The following ZC3H14 variants were observed in gnomAD, a reference collection of about 807,000 sequenced individuals.
The protein encoded by ZC3H14 is zinc finger CCCH-type containing 14.
Under a neutral mutation model 92.4 loss-of-function variants are expected in ZC3H14, and 31 were observed. That is an observed-to-expected ratio of 0.34 (90% confidence interval 0.25 to 0.45). ZC3H14 has a LOEUF of 0.45. Among genes scored for constraint, ZC3H14 ranks in the 20% least tolerant of loss-of-function variants. The pLI, the probability that ZC3H14 is intolerant of heterozygous loss-of-function variation, is 1.00. For missense variants in ZC3H14, 781 were observed against 897.3 expected, an observed-to-expected ratio of 0.87 and a Z score of 1.66; for synonymous variants, 321 against 300.9, an observed-to-expected ratio of 1.07 and a Z score of -0.69.
intron 9 of ZC3H14, among the ~76,000 whole-genome samples, 182 bp from the exon 10 acceptor site, chr14:88,596,552 A>T (rs1443534440): frequency 6.6e-6 from 1 of 152,192 alleles, no homozygotes. Flanking sequence ...AACCCTGAGT[A>T]CAGCCTTTTT....
intron 9 of ZC3H14, among the ~76,000 whole-genome samples, chr14:88,580,541 T>C (rs1170593702): frequency 5.2e-5 from 2 of 38,628 alleles, no homozygotes; most frequent in African/African-American, 6.0e-5. Flanking sequence ...GACAAGAACA[T>C]TTTAAAAGTC....
chr14:88,611,399 T>A (rs541106846), intron 16 of ZC3H14, among the ~76,000 whole-genome samples: 45 of 152,266 alleles, frequency 3.0e-4, no homozygotes, highest in Admixed American at 1.6e-3. Flanking sequence ...CCAGCCAGAT[T>A]TTAACTTCTC....
intron 10 of ZC3H14, among the ~76,000 whole-genome samples, chr14:88,597,302 G>A (rs1466090931): frequency 6.6e-6 from 1 of 152,062 alleles, no homozygotes; most frequent in African/African-American, 2.4e-5. Flanking sequence ...ACATGCCAGG[G>A]GCTACTCCAG....
rs1216389877 is a variant in ZC3H14, at chr14:88,616,439, G to A, written c.*4688G>A. On this transcript the variant is annotated 3_prime_UTR_variant, in exon 17 of 17. Coordinates refer to ENST00000251038, the MANE Select transcript of ZC3H14 (RefSeq NM_024824.5). ...TGTGTGGGCAGTCAGATGTCTCCAGGTACTCTGACCATTTTTCTCTAAGGA... is the reference window on the plus strand; with the variant it reads ...TGTGTGGGCAGTCAGATGTCTCCAGATACTCTGACCATTTTTCTCTAAGGA... 2 of 621,856 alleles carry A rather than the reference G, an allele frequency of 3.2e-6. No individual in the cohort carries two copies. Among genetic ancestry groups the A allele is most frequent in the Non-Finnish European group, 5.6e-6 (2 of 359,038 alleles). The allele number at this position is 621,856 out of a possible 1,614,324, so 38.5% of individuals were successfully genotyped here.
chr14:88,595,822 C>G (rs548879682), intron 9 of ZC3H14, among the ~76,000 whole-genome samples: 36 of 152,290 alleles, frequency 2.4e-4, no homozygotes, highest in African/African-American at 7.7e-4. Context: ...TGGATATACC[C>G]AAAATCAGCA....
intron 13 of ZC3H14, 121 bp from the exon 14 acceptor site, chr14:88,609,146 G>A: frequency 8.6e-7 from 1 of 1,166,676 alleles, no homozygotes; most frequent in Non-Finnish European, 1.2e-6. Flanking sequence ...TCTTTTTGTT[G>A]CTGTTTTTTT....
At chr14:88,591,627 A>G (rs2083149439) in intron 9 of ZC3H14, 1 of 152,178 alleles carries the variant, frequency 6.6e-6, no homozygotes, top group Non-Finnish European at 1.5e-5. Flanking sequence ...ATTCAAAGAA[A>G]ATGGAAAATC....
intron 9 of ZC3H14, chr14:88,595,028 T>C: frequency 6.2e-7 from 1 of 1,613,664 alleles, no homozygotes. Context: ...AACAGACAGT[T>C]TGAAGATCAA....
chr14:88,574,470 C>G lies in ZC3H14; in HGVS notation c.862-223C>G, dbSNP rs578025543. 4.1e-5 allele frequency: 20 copies of G among 491,318 alleles called. No homozygotes were observed. The East Asian group carries it at 7.4e-4, about 18-fold the overall frequency. 30.4% of individuals were successfully genotyped at this position (491,318 alleles called of 1,614,324 possible). On this transcript the variant is annotated intron_variant, in intron 6 of 16. Transcript: ENST00000251038. ...ATATTGGCCAGGCTGGTCTCGAAAT[C>G]CTGACCTTGTGATCCGCCCACTTCG...
chr14:88,563,211 C>A (rs760847416), intron 1 of ZC3H14, 42 bp downstream of exon 1: 68 of 1,588,142 alleles, frequency 4.3e-5, no homozygotes, highest in Non-Finnish European at 5.7e-5. Context: ...CAGGTCTCGG[C>A]GAGCGGGCGG....
chr14:88,606,685 C>T (rs936375980), intron 12 of ZC3H14, among the ~76,000 whole-genome samples: 4 of 144,932 alleles, frequency 2.8e-5, no homozygotes, highest in Admixed American at 7.2e-5. Context: ...TGCAGTGAGC[C>T]GAGATTACAC....
rs767922410 is a variant in ZC3H14, at chr14:88,616,807, T to C, written c.*5056T>C. ...TAACAAGACTGATTCCTGAATGAGA[T>C]ACACAGGCACAGTTGACATCAGCTT... is the stretch of plus-strand genomic sequence containing the variant. On this transcript the variant is annotated 3_prime_UTR_variant, in exon 17 of 17. Transcript: ENST00000251038. 2 of 1,613,916 alleles carry C rather than the reference T, an allele frequency of 1.2e-6. No individual in the cohort carries two copies. The highest frequency in any genetic ancestry group is 2.2e-5 in the South Asian group (2 of 91,072).
At chr14:88,599,277 C>G (rs892157992) in intron 10 of ZC3H14, among the ~76,000 whole-genome samples, 1 of 152,196 alleles carries the variant, frequency 6.6e-6, no homozygotes, top group Non-Finnish European at 1.5e-5. Context: ...TAGAATTCAG[C>G]TTTTACAGAT....
At chr14:88,577,082 AC>A (rs547777083) in intron 8 of ZC3H14, among the ~76,000 whole-genome samples, 9 of 152,100 alleles carry the variant, frequency 5.9e-5, no homozygotes, top group Non-Finnish European at 1.3e-4. Flanking sequence ...AGCGTGAGCC[AC>A]CGCGCCTGGC....
chr14:88,588,107 C>CTTT (rs2082675646), intron 9 of ZC3H14, among the ~76,000 whole-genome samples: 1 of 151,838 alleles, frequency 6.6e-6, no homozygotes, highest in Non-Finnish European at 1.5e-5. Flanking sequence ...GTACTGTAGC[C>CTTT]TAAAAGTCTT....
At chr14:88,595,324 C>T (rs981557810) in intron 9 of ZC3H14, among the ~76,000 whole-genome samples, 1 of 152,090 alleles carries the variant, frequency 6.6e-6, no homozygotes, top group African/African-American at 2.4e-5. Context: ...CTCTCTAAAA[C>T]GATGTTTTGA....
At chr14:88,565,015 A>G (rs778920709) in intron 2 of ZC3H14, among the ~76,000 whole-genome samples, 5 of 152,192 alleles carry the variant, frequency 3.3e-5, no homozygotes, top group Non-Finnish European at 7.4e-5. Flanking sequence ...TTTGTTGCCA[A>G]TCACATGTGA....
At chr14:88,599,083 C>T (rs1229308489) in intron 10 of ZC3H14, among the ~76,000 whole-genome samples, 1 of 152,202 alleles carries the variant, frequency 6.6e-6, no homozygotes, top group Non-Finnish European at 1.5e-5. Context: ...GCAAGACTGT[C>T]TCAAACAAAG....
At chr14:88,575,291 C>T (rs142464381) in intron 7 of ZC3H14, among the ~76,000 whole-genome samples, 44 of 152,056 alleles carry the variant, frequency 2.9e-4, no homozygotes, top group African/African-American at 7.7e-4. Context: ...TTGAGAAACA[C>T]GTTAATGAGA....
Sources: allele counts gnomAD v4.1 joint callset (sites outside exome capture counted in the v4.1 genomes callset), GRCh38; gene constraint gnomAD v4.1.1; transcripts MANE v1.5; gene names NCBI Gene and HGNC (gene_info 2026-07-23, HGNC 2026-07-21).